The following FITM2 variants were observed in gnomAD, a reference collection of about 807,000 sequenced individuals.
FITM2 encodes the protein fat storage inducing transmembrane protein 2, also known as acyl-coenzyme A diphosphatase FITM2.
FITM2 carries 16 observed loss-of-function variants against 23.3 expected under a neutral mutation model. That is an observed-to-expected ratio of 0.69 (90% CI 0.47 to 1.05). FITM2 has a LOEUF of 1.05. Among genes scored for constraint, FITM2 ranks in the 50% least tolerant of loss-of-function variants. The probability of loss-of-function intolerance (pLI) is 0.00; values close to 1 mark genes in which losing one functional copy is unlikely to be tolerated. For synonymous variants in FITM2, 132 were observed against 142.0 expected, an observed-to-expected ratio of 0.93 and a Z score of 0.50; for missense variants, 273 against 327.5, an observed-to-expected ratio of 0.83 and a Z score of 1.29.
chr20:44,309,855 G>A (rs562569154), intron 1 of FITM2, among the ~76,000 whole-genome samples: 3 of 152,290 alleles, frequency 2.0e-5, no homozygotes, highest in Non-Finnish European at 2.9e-5. Flanking sequence ...CAGCGTTCAC[G>A]AAAGGTGGCT....
chr20:44,307,809 C>A (rs898152111), intron 1 of FITM2, among the ~76,000 whole-genome samples: 1 of 151,700 alleles, frequency 6.6e-6, no homozygotes, highest in Admixed American at 6.6e-5. Context: ...ATGAGTTGGC[C>A]GGGCGCGGTG....
rs2062687368 is a variant in FITM2, at chr20:44,305,586, G to A, written c.*1039C>T. 1 of 152,050 alleles carries A rather than the reference G, an allele frequency of 6.6e-6. No individual in the cohort carries two copies. The highest frequency in any genetic ancestry group is 2.4e-5 in the African/African-American group (1 of 41,430). The allele number at this position is 152,050 out of a possible 1,614,324, so 9.4% of individuals were successfully genotyped here. On this transcript the variant is annotated 3_prime_UTR_variant, in exon 2 of 2. Coordinates refer to ENST00000396825, the MANE Select transcript of FITM2 (RefSeq NM_001080472.4). ...GCCTGTAATCCCAGCACTTTGGGAGGCCGAGGCAGGTGGATCACCTGCGGT... is the reference window on the plus strand; with the variant it reads ...GCCTGTAATCCCAGCACTTTGGGAGACCGAGGCAGGTGGATCACCTGCGGT...
At chr20:44,309,129 G>C (rs144470413) in intron 1 of FITM2, among the ~76,000 whole-genome samples, 2,468 of 151,854 alleles carry the variant, frequency 0.016, 74 homozygotes, top group African/African-American at 0.056. Flanking sequence ...GGAGTAGCTG[G>C]GATTACAGGC....
In FITM2 at chr20:44,306,509, T is replaced by G; in HGVS notation, c.*116A>C. The G allele has an allele frequency of 7.0e-7, 1 of 1,438,566 alleles. No individual in the cohort carries two copies. The highest frequency in any genetic ancestry group is 9.3e-7 in the Non-Finnish European group (1 of 1,076,176). 89.1% of individuals were successfully genotyped at this position (1,438,566 alleles called of 1,614,324 possible). A position where few individuals can be genotyped will look rare whatever the true frequency, so the allele number is the denominator to read the frequency against. ...AGACTTCAGCACCACCCACCAAAAC[T>G]GCCTGGTACACTTTCCCTCTGAAGT... On this transcript the variant is annotated 3_prime_UTR_variant, in exon 2 of 2. Coordinates refer to ENST00000396825, the MANE Select transcript of FITM2 (RefSeq NM_001080472.4).
chr20:44,304,185 A>C lies in FITM2; in HGVS notation c.*2440T>G, dbSNP rs1348600348. ...CTTATAGTAAAAGATTTTACACCGAAGATTCATCCTCAACCACTTAAGCTT... is the reference window on the plus strand; with the variant it reads ...CTTATAGTAAAAGATTTTACACCGACGATTCATCCTCAACCACTTAAGCTT... On this transcript the variant is annotated 3_prime_UTR_variant, in exon 2 of 2. Transcript: ENST00000396825. The C allele has an allele frequency of 6.6e-6, 1 of 152,194 alleles. No homozygotes were observed. Among genetic ancestry groups the C allele is most frequent in the Admixed American group, 6.5e-5 (1 of 15,280 alleles). 9.4% of individuals were successfully genotyped at this position (152,194 alleles called of 1,614,324 possible). A position where few individuals can be genotyped will look rare whatever the true frequency, so the allele number is the denominator to read the frequency against.
Position 44,304,531 on chromosome 20 carries a change from A to C in FITM2, c.*2094T>G, listed in dbSNP as rs542804859. The C allele has an allele frequency of 3.3e-5, 5 of 152,376 alleles. No individual in the cohort carries two copies. In the East Asian group the frequency reaches 9.6e-4, roughly 29 times the overall value. The allele number at this position is 152,376 out of a possible 1,614,324, so 9.4% of individuals were successfully genotyped here. Reference sequence around the variant, plus strand: ...AAACTGATTTCAAGTCCAGCTGAACAGGCCCAGGTATGGTTTGGTTTAGTT... The same window carrying C: ...AAACTGATTTCAAGTCCAGCTGAACCGGCCCAGGTATGGTTTGGTTTAGTT... On this transcript the variant is annotated 3_prime_UTR_variant, in exon 2 of 2. Coordinates refer to ENST00000396825, the MANE Select transcript of FITM2 (RefSeq NM_001080472.4).
In FITM2 at chr20:44,306,458, T is replaced by C. The variant is rs1600585494; in HGVS notation, c.*167A>G. ...GCAACACTGGTGATGTCGCCAAGAA[T>C]AGTCTGAAGACTAAACTCACTCCCC... is the stretch of plus-strand genomic sequence containing the variant. On this transcript the variant is annotated 3_prime_UTR_variant, in exon 2 of 2. Transcript: ENST00000396825. The C allele has an allele frequency of 1.2e-6, 1 of 845,592 alleles. No homozygotes were observed. The highest frequency in any genetic ancestry group is 3.8e-4 in the Middle Eastern group (1 of 2,640). The allele number at this position is 845,592 out of a possible 1,614,324, so 52.4% of individuals were successfully genotyped here. A position where few individuals can be genotyped will look rare whatever the true frequency, so the allele number is the denominator to read the frequency against.
chr20:44,310,110 C>T (rs1041020106), intron 1 of FITM2, among the ~76,000 whole-genome samples: 1 of 152,140 alleles, frequency 6.6e-6, no homozygotes, highest in Non-Finnish European at 1.5e-5. Flanking sequence ...TGAAAGGAAC[C>T]AGGGTTTTAA....
Position 44,304,542 on chromosome 20 carries a change from T to C in FITM2, c.*2083A>G, listed in dbSNP as rs1330011058. 6.6e-6 allele frequency: 1 copy of C among 152,106 alleles called. No individual in the cohort carries two copies. Among genetic ancestry groups the C allele is most frequent in the East Asian group, 1.9e-4 (1 of 5,200 alleles). The allele number at this position is 152,106 out of a possible 1,614,324, so 9.4% of individuals were successfully genotyped here. A position where few individuals can be genotyped will look rare whatever the true frequency, so the allele number is the denominator to read the frequency against. ...AAGTCCAGCTGAACAGGCCCAGGTATGGTTTGGTTTAGTTTGGTTGGTGAT... is the reference window on the plus strand; with the variant it reads ...AAGTCCAGCTGAACAGGCCCAGGTACGGTTTGGTTTAGTTTGGTTGGTGAT... On this transcript the variant is annotated 3_prime_UTR_variant, in exon 2 of 2. Transcript: ENST00000396825.
intron 1 of FITM2, among the ~76,000 whole-genome samples, chr20:44,310,560 G>A (rs145147494): frequency 1.2e-3 from 185 of 152,264 alleles, no homozygotes; most frequent in African/African-American, 4.2e-3. Context: ...CGCAGGGTGG[G>A]GTCTGCGCGG....
rs183717573 is a variant in FITM2, at chr20:44,304,885, T to G, written c.*1740A>C. ...TTACTAAAATGCCTGCTTTCTGGTT[T>G]GATTATCTTATTTATTTATAGAAAC... is the stretch of plus-strand genomic sequence containing the variant. On this transcript the variant is annotated 3_prime_UTR_variant, in exon 2 of 2. Coordinates refer to ENST00000396825, the MANE Select transcript of FITM2 (RefSeq NM_001080472.4). 1 of 152,320 alleles carries G rather than the reference T, an allele frequency of 6.6e-6. No homozygotes were observed. The highest frequency in any genetic ancestry group is 1.9e-4 in the East Asian group (1 of 5,190). 9.4% of individuals were successfully genotyped at this position (152,320 alleles called of 1,614,324 possible).
Position 44,306,635 on chromosome 20 carries a change from T to C in FITM2, c.779A>G (p.Tyr260Cys). ...SCSLNLKQDS[Y>C]KK ...CCCTCTGTTACTCTTTTATTTCTTGTAACTATCTTGCTTCAAATTCAAACT... is the reference window on the plus strand; with the variant it reads ...CCCTCTGTTACTCTTTTATTTCTTGCAACTATCTTGCTTCAAATTCAAACT... The change falls in exon 2 of 2, where the codon TAC (tyrosine) becomes TGC (cysteine). Residue 260 changes from tyrosine to cysteine, a missense_variant. By Grantham distance (194) the Tyr-to-Cys change is radical. Coordinates refer to ENST00000396825, the MANE Select transcript of FITM2 (RefSeq NM_001080472.4). 6.2e-7 allele frequency: 1 copy of C among 1,613,118 alleles called. No homozygotes were observed. Among genetic ancestry groups the C allele is most frequent in the South Asian group, 1.1e-5 (1 of 90,978 alleles).
rs1011142973 is a variant in FITM2, at chr20:44,307,181, A to T, written c.233T>A (p.Leu78His). 1 of 1,614,178 alleles carries T rather than the reference A, an allele frequency of 6.2e-7. No individual in the cohort carries two copies. The highest frequency in any genetic ancestry group is 8.5e-7 in the Non-Finnish European group (1 of 1,180,034). The part of the protein sequence containing the change: ...TFCLLLPFIA[L>H]TNYHLTGKAG... ...CTTGCCGGTCAGATGGTAGTTGGTG[A>T]GGGCAATGAAAGGCAGAAGGAGACA... is the stretch of plus-strand genomic sequence containing the variant. The change falls in exon 2 of 2, where the codon CTC (leucine) becomes CAC (histidine). Residue 78 changes from leucine (L) to histidine (H), a missense_variant. Physicochemically the swap from Leu to His is moderately conservative, Grantham distance 99 (BLOSUM62 -3). Coordinates refer to ENST00000396825, the MANE Select transcript of FITM2 (RefSeq NM_001080472.4).
rs1233194609 is a variant in FITM2 at position 44,307,197 on chromosome 20, G to GA, written c.216dup (p.Leu73SerfsTer79). ...TAGTTGGTGAGGGCAATGAAAGGCA[G>GA]AAGGAGACAGAACGTCCAGGCCCAG... On this transcript the variant is annotated frameshift_variant, in exon 2 of 2. Coordinates refer to ENST00000396825, the MANE Select transcript of FITM2 (RefSeq NM_001080472.4). LOFTEE classifies it high-confidence loss of function. 5.6e-6 allele frequency: 9 copies of GA among 1,614,104 alleles called. No homozygotes were observed. Among genetic ancestry groups the GA allele is most frequent in the Non-Finnish European group, 7.6e-6 (9 of 1,180,046 alleles).
chr20:44,305,302 T>C lies in FITM2; in HGVS notation c.*1323A>G, dbSNP rs186725987. 27 of 152,172 alleles carry C rather than the reference T, an allele frequency of 1.8e-4. No individual in the cohort carries two copies. The highest frequency in any genetic ancestry group is 6.5e-4 in the African/African-American group (27 of 41,506). The allele number at this position is 152,172 out of a possible 1,614,324, so 9.4% of individuals were successfully genotyped here. ...TCAAAATAGAACAGAAAAAAAGTAATCTTATTGCTCCAAAAAAACCAGCAT... is the reference window on the plus strand; with the variant it reads ...TCAAAATAGAACAGAAAAAAAGTAACCTTATTGCTCCAAAAAAACCAGCAT... On this transcript the variant is annotated 3_prime_UTR_variant, in exon 2 of 2. Transcript: ENST00000396825.
Position 44,303,461 on chromosome 20 carries a change from G to A in FITM2, c.*3164C>T, listed in dbSNP as rs1256555091. On this transcript the variant is annotated 3_prime_UTR_variant, in exon 2 of 2. Coordinates refer to ENST00000396825, the MANE Select transcript of FITM2 (RefSeq NM_001080472.4). ...ATGGACAAGTGGCGGAAGCCTCATC[G>A]ATACAGAAGGCTCTGCAATTGACAC... 1 of 152,188 alleles carries A rather than the reference G, an allele frequency of 6.6e-6. No individual in the cohort carries two copies. Among genetic ancestry groups the A allele is most frequent in the Non-Finnish European group, 1.5e-5 (1 of 68,032 alleles). The allele number at this position is 152,188 out of a possible 1,614,324, so 9.4% of individuals were successfully genotyped here.
chr20:44,310,599 T>G (rs1387768755), intron 1 of FITM2, among the ~76,000 whole-genome samples: 1 of 151,956 alleles, frequency 6.6e-6, no homozygotes, highest in East Asian at 1.9e-4. Flanking sequence ...AGGACAGAGG[T>G]GAGATGGCAT....
In FITM2 at chr20:44,306,610, C is replaced by T. The variant is rs1600585591; in HGVS notation, c.*15G>A. 6.2e-7 allele frequency: 1 copy of T among 1,608,304 alleles called. No individual in the cohort carries two copies. Among genetic ancestry groups the T allele is most frequent in the East Asian group, 2.2e-5 (1 of 44,740 alleles). ...AGATTAGCCATTGTCCTTCTGTCCC[C>T]CCTCTGTTACTCTTTTATTTCTTGT... On this transcript the variant is annotated 3_prime_UTR_variant, in exon 2 of 2. Coordinates refer to ENST00000396825, the MANE Select transcript of FITM2 (RefSeq NM_001080472.4).
In FITM2 at chr20:44,311,181, G is replaced by A. The variant is rs374581060; in HGVS notation, c.-33C>T. ...CTCGTCAGCCACCGTCCTCCTCTCCGTGCCCTCTCGGCCACCGTATCGCCC... is the reference window on the plus strand; with the variant it reads ...CTCGTCAGCCACCGTCCTCCTCTCCATGCCCTCTCGGCCACCGTATCGCCC... On this transcript the variant is annotated 5_prime_UTR_variant, in exon 1 of 2. In the 5' UTR this introduces an upstream ATG that the reference lacks. Transcript: ENST00000396825. The A allele has an allele frequency of 1.9e-6, 3 of 1,595,136 alleles. No individual in the cohort carries two copies. The East Asian group carries it at 6.8e-5, about 36-fold the overall frequency.
Sources: allele counts gnomAD v4.1 joint callset (sites outside exome capture counted in the v4.1 genomes callset), GRCh38; gene constraint gnomAD v4.1.1; transcripts MANE v1.5; gene names NCBI Gene and HGNC (gene_info 2026-07-23, HGNC 2026-07-21).